INO80D: variants seen among roughly 807,000 people sequenced by gnomAD.
The protein encoded by INO80D is INO80 complex subunit D.
A neutral mutation model predicts 87.6 loss-of-function variants in INO80D; 21 were observed. The observed-to-expected ratio is 0.24, with a 90% CI of 0.17 to 0.35. The LOEUF is 0.35. INO80D is among the 10% of genes least tolerant of loss of function. The pLI, the probability that INO80D is intolerant of heterozygous loss-of-function variation, is 1.00. For missense variants in INO80D, 982 were observed against 1,280.7 expected (o/e 0.77, Z 3.56); for synonymous variants, 440 against 491.0 (o/e 0.90, Z 1.37).
intron 8 of INO80D, 89 bp downstream of exon 8, chr2:206,017,591 A>T (rs1688352500): frequency 1.9e-6 from 2 of 1,070,226 alleles, no homozygotes; most frequent in Non-Finnish European, 2.6e-6. Flanking sequence ...TCAGTGATTT[A>T]TATACATACA....
At chr2:206,080,751 G>A (rs190725456) in intron 1 of INO80D, among the ~76,000 whole-genome samples, 8 of 151,434 alleles carry the variant, frequency 5.3e-5, no homozygotes, top group Admixed American at 5.3e-4. Flanking sequence ...ACTAAAAATA[G>A]AAAAAATTAG....
chr2:206,060,999 G>A (rs1034010088), intron 3 of INO80D, among the ~76,000 whole-genome samples: 7 of 152,004 alleles, frequency 4.6e-5, no homozygotes, highest in Non-Finnish European at 1.0e-4. Context: ...AGATTCATAA[G>A]GACTCTCACT....
At chr2:206,082,710 A>G (rs1179513998) in intron 1 of INO80D, among the ~76,000 whole-genome samples, 1 of 152,218 alleles carries the variant, frequency 6.6e-6, no homozygotes, top group Non-Finnish European at 1.5e-5. Context: ...ACTGTATTCA[A>G]ATATAAATGA....
At chr2:206,041,087 C>T (rs995724869) in intron 5 of INO80D, among the ~76,000 whole-genome samples, 3 of 151,920 alleles carry the variant, frequency 2.0e-5, no homozygotes, top group Non-Finnish European at 4.4e-5. Context: ...ACTACAAAAA[C>T]AAAGCATATG....
intron 1 of INO80D, among the ~76,000 whole-genome samples, chr2:206,067,184 T>C (rs1248572654): frequency 2.6e-5 from 4 of 151,236 alleles, no homozygotes; most frequent in Non-Finnish European, 5.9e-5. Flanking sequence ...GAGGCGGAGG[T>C]TGCAGTGAGC....
intron 7 of INO80D, among the ~76,000 whole-genome samples, chr2:206,018,533 T>G (rs1199199865): frequency 6.6e-6 from 1 of 152,188 alleles, no homozygotes; most frequent in African/African-American, 2.4e-5. Context: ...GATATAGTTA[T>G]TAGAAACTCA....
At chr2:206,067,168 A>C (rs1689839202) in intron 1 of INO80D, among the ~76,000 whole-genome samples, 1 of 151,690 alleles carries the variant, frequency 6.6e-6, no homozygotes, top group Non-Finnish European at 1.5e-5. Context: ...AATCGCTTCA[A>C]CCCAGGAGGC....
At chr2:206,068,331 T>A (rs1397016920) in intron 1 of INO80D, among the ~76,000 whole-genome samples, 2 of 152,116 alleles carry the variant, frequency 1.3e-5, no homozygotes, top group Non-Finnish European at 2.9e-5. Flanking sequence ...AACTCCTGCA[T>A]TCAAGAGATC....
rs1687901471 is a variant in INO80D at position 206,001,077 on chromosome 2, T to A, written c.*3291A>T. On this transcript the variant is annotated 3_prime_UTR_variant, in exon 11 of 11. Coordinates refer to ENST00000403263, the MANE Select transcript of INO80D (RefSeq NM_017759.5). ...TGTCACTTGGTGGGTTAAGTATAATTGCTACTTACTATTGAGTTGTTTACT... is the reference window on the plus strand; with the variant it reads ...TGTCACTTGGTGGGTTAAGTATAATAGCTACTTACTATTGAGTTGTTTACT... The A allele has an allele frequency of 6.6e-6, 1 of 152,214 alleles. No individual in the cohort carries two copies. The highest frequency in any genetic ancestry group is 2.4e-5 in the African/African-American group (1 of 41,452). The allele number at this position is 152,214 out of a possible 1,614,324, so 9.4% of individuals were successfully genotyped here.
At chr2:206,026,664 G>C (rs1473323940) in intron 6 of INO80D, among the ~76,000 whole-genome samples, 1 of 148,820 alleles carries the variant, frequency 6.7e-6, no homozygotes, top group Non-Finnish European at 1.5e-5. Context: ...ATATATAACA[G>C]ATATTTTATA....
intron 4 of INO80D, among the ~76,000 whole-genome samples, chr2:206,049,063 C>A (rs780034886): frequency 2.0e-5 from 3 of 152,154 alleles, no homozygotes; most frequent in Non-Finnish European, 4.4e-5. Flanking sequence ...TTTATGTCTT[C>A]CTTCTTGAGA....
At chr2:206,012,914 T>A (rs1485695413) in intron 8 of INO80D, among the ~76,000 whole-genome samples, 1 of 151,478 alleles carries the variant, frequency 6.6e-6, no homozygotes, top group Non-Finnish European at 1.5e-5. Context: ...CACATACTTT[T>A]CATCTCCCAG....
At chr2:206,041,297 A>C (rs577952669) in intron 5 of INO80D, among the ~76,000 whole-genome samples, 1 of 152,342 alleles carries the variant, frequency 6.6e-6, no homozygotes, top group African/African-American at 2.4e-5. Context: ...AGCAAGACCC[A>C]GTAATACATT....
chr2:206,049,570 G>A (rs1344778903), intron 4 of INO80D, among the ~76,000 whole-genome samples: 1 of 152,120 alleles, frequency 6.6e-6, no homozygotes, highest in African/African-American at 2.4e-5. Context: ...TGTTTTTCCT[G>A]CTGTGAAACT....
intron 1 of INO80D, among the ~76,000 whole-genome samples, chr2:206,075,527 C>A (rs1690090608): frequency 1.3e-5 from 2 of 151,740 alleles, no homozygotes; most frequent in Admixed American, 6.6e-5. Flanking sequence ...ACCTCTGCTG[C>A]CCATTTTCAA....
intron 6 of INO80D, among the ~76,000 whole-genome samples, chr2:206,027,419 C>G (rs1354705492): frequency 2.0e-5 from 3 of 152,116 alleles, no homozygotes; most frequent in Admixed American, 6.5e-5. Flanking sequence ...ACTGAAAAGG[C>G]CAGCTACAGT....
At chr2:206,049,262 A>G (rs946758287) in intron 4 of INO80D, among the ~76,000 whole-genome samples, 24 of 152,364 alleles carry the variant, frequency 1.6e-4, no homozygotes, top group African/African-American at 5.5e-4. Flanking sequence ...TTCAAATCTA[A>G]TTCTAAGATG....
intron 1 of INO80D, 26 bp from the exon 2 acceptor site, chr2:206,063,270 TAACA>T: frequency 1.9e-6 from 1 of 533,826 alleles, no homozygotes; most frequent in East Asian, 3.3e-5. Flanking sequence ...AAGGCCTAGT[TAACA>T]AACAGAAATA....
In INO80D at chr2:206,004,293, G is replaced by A; in HGVS notation, c.*75C>T. On this transcript the variant is annotated 3_prime_UTR_variant, in exon 11 of 11. Transcript: ENST00000403263. The surrounding 1 kb of genome is among the most constrained non-coding windows in gnomAD (Gnocchi z 4.9). ...CTGTTATATCTTCTTTAGGAAAAGGGGAGAGGGGTGCTAAAGAGGAAACAA... is the reference window on the plus strand; with the variant it reads ...CTGTTATATCTTCTTTAGGAAAAGGAGAGAGGGGTGCTAAAGAGGAAACAA... The A allele has an allele frequency of 1.5e-6, 2 of 1,316,584 alleles. No homozygotes were observed. Among genetic ancestry groups the A allele is most frequent in the Admixed American group, 2.1e-5 (1 of 48,106 alleles). The allele number at this position is 1,316,584 out of a possible 1,614,324, so 81.6% of individuals were successfully genotyped here. A position where few individuals can be genotyped will look rare whatever the true frequency, so the allele number is the denominator to read the frequency against.
Sources: gnomAD v4.1 joint callset for allele counts (sites outside exome capture counted in the v4.1 genomes callset) on GRCh38, gnomAD v4.1.1 for gene constraint, Gnocchi (gnomAD v3.1) non-coding constraint, MANE v1.5 for transcripts, NCBI Gene and HGNC (gene_info 2026-07-23, HGNC 2026-07-21) for gene names.